The following DPP6 variants were observed in gnomAD, a reference collection of about 807,000 sequenced individuals.
DPP6 encodes the protein dipeptidyl peptidase like 6.
A neutral mutation model predicts 122.6 loss-of-function variants in DPP6; 69 were observed. The observed-to-expected ratio is 0.56, with a 90% CI of 0.46 to 0.69. The LOEUF is 0.69. Ranked by LOEUF, DPP6 falls within the 30% of genes least tolerant of loss-of-function variation. The pLI, the probability that DPP6 is intolerant of heterozygous loss-of-function variation, is 0.00. For synonymous variants in DPP6, 418 were observed against 433.1 expected, an observed-to-expected ratio of 0.97 and a Z score of 0.43; for missense variants, 928 against 1,116.9, an observed-to-expected ratio of 0.83 and a Z score of 2.41.
chr7:154,067,907 G>GTT (rs142049299), intron 1 of DPP6, among the ~76,000 whole-genome samples: 3 of 142,456 alleles, frequency 2.1e-5, no homozygotes, highest in African/African-American at 8.7e-5. Context: ...GTTTTTTTTT[G>GTT]TTTTTTTTTT....
chr7:154,447,538 A>G (rs1819989238), intron 2 of DPP6, among the ~76,000 whole-genome samples: 1 of 152,186 alleles, frequency 6.6e-6, no homozygotes, highest in African/African-American at 2.4e-5. Context: ...TGGGCAAATT[A>G]TAATCCAGGC....
At chr7:154,716,159 G>C (rs555121033) in intron 7 of DPP6, among the ~76,000 whole-genome samples, 2 of 151,950 alleles carry the variant, frequency 1.3e-5, no homozygotes, top group Non-Finnish European at 2.9e-5. Flanking sequence ...CCCCTCAGCC[G>C]TCATGGTGAT....
At chr7:153,928,395 C>CCTTTTTTTTTTTTTT (rs1467865041) in intron 1 of DPP6, among the ~76,000 whole-genome samples, 7 of 29,988 alleles carry the variant, frequency 2.3e-4, no homozygotes, top group Non-Finnish European at 3.3e-4. Context: ...TCTTTTCTTT[C>CCTTTTTTTTTTTTTT]ATTTTTTTTT....
intron 5 of DPP6, among the ~76,000 whole-genome samples, chr7:154,582,077 A>G (rs1453364567): frequency 1.3e-5 from 2 of 152,070 alleles, no homozygotes; most frequent in African/African-American, 4.8e-5. Flanking sequence ...GAGCAAATAC[A>G]TATTTAAAGA....
intron 16 of DPP6, among the ~76,000 whole-genome samples, chr7:154,845,726 G>C (rs1801892750): frequency 6.6e-6 from 1 of 152,202 alleles, no homozygotes; most frequent in African/African-American, 2.4e-5. Context: ...TTACCCATTA[G>C]AGTGGTTTTA....
chr7:154,330,862 C>G (rs62475072), intron 1 of DPP6, among the ~76,000 whole-genome samples: 2 of 152,146 alleles, frequency 1.3e-5, no homozygotes, highest in Admixed American at 6.5e-5. Context: ...CTCCACTCCC[C>G]GAAGGCAGGG....
intron 1 of DPP6, among the ~76,000 whole-genome samples, chr7:154,337,015 G>A (rs938373052): frequency 6.6e-6 from 1 of 152,188 alleles, no homozygotes; most frequent in African/African-American, 2.4e-5. Context: ...TCCGGGGCCC[G>A]AGCAGCTAGG....
At chr7:153,766,846 C>T in the DPP6 span, among the ~76,000 whole-genome samples, 96 of 152,180 alleles carry the variant, frequency 6.3e-4, no homozygotes, top group Non-Finnish European at 1.0e-3. Flanking sequence ...TCCTGGCTCA[C>T]ACATTTTAGT....
the DPP6 span, among the ~76,000 whole-genome samples, chr7:153,880,827 A>G: frequency 6.6e-6 from 1 of 152,200 alleles, no homozygotes; most frequent in African/African-American, 2.4e-5. Flanking sequence ...GAATTATCTC[A>G]TTCCTGGGAG....
chr7:153,758,541 C>T, the DPP6 span, among the ~76,000 whole-genome samples: 1 of 152,188 alleles, frequency 6.6e-6, no homozygotes, highest in Non-Finnish European at 1.5e-5. Flanking sequence ...CTTTTTCCAT[C>T]CGTAAGGAAA....
chr7:154,741,889 T>A (rs917391856), intron 8 of DPP6, among the ~76,000 whole-genome samples: 2 of 152,246 alleles, frequency 1.3e-5, no homozygotes, highest in Admixed American at 6.5e-5. Context: ...GTGTCCTGCA[T>A]CTGTGTCTCC....
intron 3 of DPP6, among the ~76,000 whole-genome samples, chr7:154,504,964 A>G (rs1825559458): frequency 6.6e-6 from 1 of 152,238 alleles, no homozygotes; most frequent in Non-Finnish European, 1.5e-5. Flanking sequence ...AGTAAGGATC[A>G]TAAATGTTTA....
chr7:154,585,070 G>A (rs1466681252), intron 5 of DPP6, among the ~76,000 whole-genome samples: 1 of 151,844 alleles, frequency 6.6e-6, no homozygotes, highest in Non-Finnish European at 1.5e-5. Context: ...CTTCCTTCAG[G>A]GCAAGCCCTC....
intron 1 of DPP6, among the ~76,000 whole-genome samples, chr7:154,256,397 G>A (rs1802662434): frequency 6.6e-6 from 1 of 152,198 alleles, no homozygotes; most frequent in Non-Finnish European, 1.5e-5. Context: ...TATCACAGCT[G>A]TGGAACCAAA....
intron 1 of DPP6, among the ~76,000 whole-genome samples, chr7:154,006,598 G>T (rs1412604312): frequency 6.6e-6 from 1 of 152,186 alleles, no homozygotes; most frequent in African/African-American, 2.4e-5. Context: ...CGAGTTGAAA[G>T]CTGAGCTCTG....
At chr7:153,955,799 C>A (rs1178091231) in intron 1 of DPP6, among the ~76,000 whole-genome samples, 1 of 152,148 alleles carries the variant, frequency 6.6e-6, no homozygotes, top group Non-Finnish European at 1.5e-5. Flanking sequence ...TGGGAAAGGT[C>A]ACACAGTGGT....
intron 1 of DPP6, among the ~76,000 whole-genome samples, chr7:154,044,869 T>C (rs1799943992): frequency 6.6e-6 from 1 of 151,456 alleles, no homozygotes; most frequent in Non-Finnish European, 1.5e-5. Flanking sequence ...GCACGGAAGA[T>C]TTTTTTTATG....
In DPP6 at chr7:154,577,042, G is replaced by T. The variant is rs1273236122; in HGVS notation, c.627+10126G>T. ...AAGGTAAGTGCAGCTAGGTTCCTGT[G>T]ATGATGGGATTCATAGGAGAAGTGA... is the stretch of plus-strand genomic sequence containing the variant. On this transcript the variant is annotated intron_variant, in intron 5 of 25. Coordinates refer to ENST00000377770, the MANE Select transcript of DPP6 (RefSeq NM_130797.4). Among the ~76,000 whole-genome samples the T allele has an allele frequency of 4.6e-5, 7 of 152,264 alleles. No individual in the cohort carries two copies. In the East Asian group the frequency reaches 1.4e-3, roughly 29 times the overall value.
intron 6 of DPP6, among the ~76,000 whole-genome samples, chr7:154,650,263 T>C (rs949166139): frequency 5.3e-5 from 8 of 151,554 alleles, no homozygotes; most frequent in Admixed American, 4.6e-4. Context: ...AGGTCAAAGT[T>C]GCAGTGAGCT....
Sources: allele counts gnomAD v4.1 joint callset (sites outside exome capture counted in the v4.1 genomes callset), GRCh38; gene constraint gnomAD v4.1.1; transcripts MANE v1.5; gene names NCBI Gene and HGNC (gene_info 2026-07-23, HGNC 2026-07-21).